NXPE2: variants seen among roughly 807,000 people sequenced by gnomAD.
NXPE2 encodes the protein NXPE family member 2.
Under a neutral mutation model 34.4 loss-of-function variants are expected in NXPE2, and 34 were observed. The ratio of observed to expected loss-of-function variants is 0.99; its 90% confidence interval spans 0.75 to 1.31. The LOEUF (loss-of-function observed/expected upper bound fraction) is 1.31. Among genes scored for constraint, NXPE2 ranks in the 40% most tolerant of loss-of-function variants. NXPE2 has a pLI of 0.00. For missense variants in NXPE2, 649 were observed against 672.5 expected (o/e 0.97, Z 0.39); for synonymous variants, 235 against 231.3 (o/e 1.02, Z -0.15).
At chr11:114,468,169 AT>A in the NXPE2 span, among the ~76,000 whole-genome samples, 3 of 151,580 alleles carry the variant, frequency 2.0e-5, no homozygotes, top group East Asian at 5.8e-4. Context: ...GTCTCATTAT[AT>A]TTTAAGAAAG....
the NXPE2 span, among the ~76,000 whole-genome samples, chr11:114,810,814 T>G: frequency 6.6e-6 from 1 of 152,058 alleles, no homozygotes; most frequent in Non-Finnish European, 1.5e-5. Flanking sequence ...GAAATACCAT[T>G]TGACCCAGCC....
chr11:114,544,498 T>C, the NXPE2 span, among the ~76,000 whole-genome samples: 1 of 152,244 alleles, frequency 6.6e-6, no homozygotes, highest in Non-Finnish European at 1.5e-5. Flanking sequence ...TTTCAGCAAA[T>C]AGTGCTGGAA....
chr11:114,670,427 G>C, the NXPE2 span, among the ~76,000 whole-genome samples: 4 of 152,050 alleles, frequency 2.6e-5, no homozygotes, highest in Non-Finnish European at 5.9e-5. Context: ...AAGCGCAGTG[G>C]CTCACCTCTG....
At chr11:114,665,708 G>C in the NXPE2 span, among the ~76,000 whole-genome samples, 2 of 152,220 alleles carry the variant, frequency 1.3e-5, no homozygotes, top group Admixed American at 1.3e-4. Flanking sequence ...ACAGTGCATA[G>C]GTGGCAAACA....
chr11:114,772,598 A>C, the NXPE2 span, among the ~76,000 whole-genome samples: 1 of 152,110 alleles, frequency 6.6e-6, no homozygotes, highest in East Asian at 1.9e-4. Flanking sequence ...CCTCAGCTTT[A>C]TTAGGACACT....
chr11:114,698,009 G>T, intron 2 of NXPE2, 36 bp from the exon 3 acceptor site: 1 of 1,440,446 alleles, frequency 6.9e-7, no homozygotes. Context: ...CCTATTGTTT[G>T]CTGATGATAT....
chr11:114,767,778 T>C, the NXPE2 span, among the ~76,000 whole-genome samples: 3 of 152,104 alleles, frequency 2.0e-5, no homozygotes, highest in African/African-American at 7.2e-5. Context: ...AAAACTCCCT[T>C]TCTCTTAAAT....
chr11:114,761,365 C>T, the NXPE2 span, among the ~76,000 whole-genome samples: 1 of 152,082 alleles, frequency 6.6e-6, no homozygotes, highest in Admixed American at 6.6e-5. Context: ...CAAGAACCTA[C>T]GATGGTGTTT....
the NXPE2 span, among the ~76,000 whole-genome samples, chr11:114,763,264 A>G: frequency 2.0e-5 from 3 of 152,274 alleles, no homozygotes; most frequent in African/African-American, 7.2e-5. Flanking sequence ...TCCCTCTTCT[A>G]ACAAACTCAC....
the NXPE2 span, among the ~76,000 whole-genome samples, chr11:114,730,321 A>G: frequency 6.6e-6 from 1 of 152,050 alleles, no homozygotes; most frequent in Non-Finnish European, 1.5e-5. Flanking sequence ...TGATAGTTGG[A>G]AGTCGGGTAA....
the NXPE2 span, among the ~76,000 whole-genome samples, chr11:114,751,690 A>G: frequency 6.6e-6 from 1 of 152,218 alleles, no homozygotes; most frequent in African/African-American, 2.4e-5. Context: ...CAAAATGTCC[A>G]TATCCTAATC....
In NXPE2 at chr11:114,698,119, A is replaced by T; in HGVS notation, c.207A>T (p.Thr69=). The change falls in exon 3 of 6, where the codon ACA becomes ACT. Residue 69 remains threonine, a synonymous_variant. Coordinates refer to ENST00000389586, the MANE Select transcript of NXPE2 (RefSeq NM_182495.6). ...TCAAAAAATATTCACACTCTGAAAC[A>T]CCACTGTGTCCAGCAGTTTCACCAA... ...NIFKKYSHSE[T]PLCPAVSPKE... is the part of the protein sequence containing the mutation. 2 of 1,613,636 alleles carry T rather than the reference A, an allele frequency of 1.2e-6. No individual in the cohort carries two copies. Among genetic ancestry groups the T allele is most frequent in the Non-Finnish European group, 1.7e-6 (2 of 1,179,698 alleles).
At chr11:114,617,359 G>A in the NXPE2 span, among the ~76,000 whole-genome samples, 1,550 of 146,308 alleles carry the variant, frequency 0.011, 23 homozygotes, top group African/African-American at 0.037. Context: ...TAAGTATTAC[G>A]TCATTGGTAA....
the NXPE2 span, among the ~76,000 whole-genome samples, chr11:114,621,593 G>T: frequency 6.6e-6 from 1 of 151,916 alleles, no homozygotes; most frequent in Non-Finnish European, 1.5e-5. Flanking sequence ...GATAATAAAT[G>T]TTTCCTCTAG....
the NXPE2 span, among the ~76,000 whole-genome samples, chr11:114,757,294 A>G: frequency 6.6e-6 from 1 of 151,760 alleles, no homozygotes; most frequent in Non-Finnish European, 1.5e-5. Flanking sequence ...CTTACTAATT[A>G]TGTATTTGTC....
chr11:114,721,289 G>T, the NXPE2 span, among the ~76,000 whole-genome samples: 2 of 141,748 alleles, frequency 1.4e-5, no homozygotes, highest in Non-Finnish European at 3.0e-5. Flanking sequence ...CTGCTGTTCT[G>T]TGTGCCTCAG....
the NXPE2 span, among the ~76,000 whole-genome samples, chr11:114,718,483 A>G: frequency 1.3e-5 from 2 of 152,244 alleles, no homozygotes; most frequent in East Asian, 1.9e-4. Flanking sequence ...ATGCAACAAT[A>G]TGACTACCAC....
At chr11:114,492,624 C>T in the NXPE2 span, among the ~76,000 whole-genome samples, 73 of 151,988 alleles carry the variant, frequency 4.8e-4, no homozygotes, top group Admixed American at 3.1e-3. Context: ...CTGCAAGCTC[C>T]GCGTCCTGGG....
chr11:114,608,394 G>T, the NXPE2 span, among the ~76,000 whole-genome samples: 2 of 152,040 alleles, frequency 1.3e-5, no homozygotes, highest in African/African-American at 2.4e-5. Context: ...TTGCCTCATG[G>T]GTAACCACTG....
Sources: allele counts gnomAD v4.1 joint callset (sites outside exome capture counted in the v4.1 genomes callset), GRCh38; gene constraint gnomAD v4.1.1; transcripts MANE v1.5; gene names NCBI Gene and HGNC (gene_info 2026-07-23, HGNC 2026-07-21).